ANO4: variants seen among roughly 807,000 people sequenced by gnomAD.
The protein encoded by ANO4 is anoctamin-4.
Under a neutral mutation model 141.9 loss-of-function variants are expected in ANO4, and 69 were observed. The ratio of observed to expected loss-of-function variants is 0.49; its 90% CI spans 0.40 to 0.59. The LOEUF is 0.59. ANO4 is among the 20% of genes least tolerant of loss of function. The probability of loss-of-function intolerance (pLI) is 0.00; values close to 1 mark genes in which losing one functional copy is unlikely to be tolerated. For synonymous variants in ANO4, 350 were observed against 394.3 expected (o/e 0.89, Z 1.33); for missense variants, 894 against 1,162.2 (o/e 0.77, Z 3.36).
chr12:101,043,862 A>C (rs1311973052), intron 13 of ANO4, among the ~76,000 whole-genome samples: 1 of 152,224 alleles, frequency 6.6e-6, no homozygotes, highest in Non-Finnish European at 1.5e-5. Context: ...AGCATGGCAC[A>C]GTGTGAGGAG....
chr12:101,039,147 T>A (rs2047317474), intron 10 of ANO4: 1 of 152,202 alleles, frequency 6.6e-6, no homozygotes, highest in South Asian at 2.1e-4. Flanking sequence ...TAGAATTTTC[T>A]TGTCGATAAC....
intron 9 of ANO4, among the ~76,000 whole-genome samples, chr12:101,026,120 A>G (rs2046723754): frequency 6.6e-6 from 1 of 152,216 alleles, no homozygotes; most frequent in Non-Finnish European, 1.5e-5. Context: ...ATGATCACCT[A>G]TAAAGAAACT....
chr12:100,877,123 G>T (rs184913068), intron 1 of ANO4, among the ~76,000 whole-genome samples: 45 of 152,214 alleles, frequency 3.0e-4, no homozygotes, highest in Admixed American at 2.9e-3. Context: ...CTGAGGGTAG[G>T]GGACGGATAA....
At position 100,986,721 on chromosome 12, in the gene ANO4, AT is replaced by A. The variant is rs200871311; in HGVS notation, c.603-814del. 1.2e-3 allele frequency among the ~76,000 whole-genome samples: 189 copies of A among 152,292 alleles called. 4 individuals are homozygous for A. The East Asian group carries it at 0.033, about 26-fold the overall frequency. On this transcript the variant is annotated intron_variant, in intron 7 of 27. Transcript: ENST00000392977. ...TATAGACACTTGAGGTAGTGCTATC[AT>A]TTTAAAGTTTGGTGTGGTTTTTGCG...
chr12:100,990,049 A>T (rs1426560436), intron 8 of ANO4, among the ~76,000 whole-genome samples: 9 of 152,126 alleles, frequency 5.9e-5, no homozygotes, highest in Admixed American at 5.9e-4. Flanking sequence ...AGATACATGG[A>T]TGGGTATAGG....
intron 5 of ANO4, among the ~76,000 whole-genome samples, chr12:100,948,556 G>T (rs1011387937): frequency 2.0e-5 from 3 of 152,036 alleles, no homozygotes; most frequent in East Asian, 1.9e-4. Context: ...AGTGATATTT[G>T]TTTTCCCTTT....
intron 11 of ANO4, among the ~76,000 whole-genome samples, chr12:101,041,665 A>G (rs2047415657): frequency 6.6e-6 from 1 of 152,196 alleles, no homozygotes; most frequent in Non-Finnish European, 1.5e-5. Flanking sequence ...TCAGCAACAC[A>G]GGCCCTGCAT....
At chr12:100,815,771 T>TGTG (rs543521687) in intron 1 of ANO4, among the ~76,000 whole-genome samples, 4 of 148,796 alleles carry the variant, frequency 2.7e-5, no homozygotes, top group African/African-American at 1.0e-4. Flanking sequence ...GTGTGTGTGT[T>TGTG]TGTGTGTGTG....
chr12:100,978,887 T>A (rs1256369973), intron 7 of ANO4, among the ~76,000 whole-genome samples: 1 of 152,142 alleles, frequency 6.6e-6, no homozygotes, highest in African/African-American at 2.4e-5. Flanking sequence ...GTAGATTTCT[T>A]AGGTGTTGGT....
rs147780415 is a variant in ANO4, at chr12:101,091,199, A to C, written c.1702-3057A>C. On this transcript the variant is annotated intron_variant, in intron 17 of 27. Coordinates refer to ENST00000392977, the MANE Select transcript of ANO4 (RefSeq NM_001286615.2). ...GCCAACATCAAACTAGAATAACATA[A>C]GGTTGCTAACGCAAGAATACTGATG... is the stretch of plus-strand genomic sequence containing the variant. Among the ~76,000 whole-genome samples, 962 of 152,330 alleles carry C rather than the reference A, an allele frequency of 6.3e-3. 8 individuals carry two copies. The highest frequency in any genetic ancestry group is 0.022 in the African/African-American group (916 of 41,580).
chr12:100,963,238 A>T (rs2043500752), intron 5 of ANO4, among the ~76,000 whole-genome samples: 1 of 152,138 alleles, frequency 6.6e-6, no homozygotes, highest in Admixed American at 6.5e-5. Context: ...ATCAGCTAAT[A>T]GGTGACATCT....
At chr12:100,816,128 G>A (rs1163083317) in intron 1 of ANO4, among the ~76,000 whole-genome samples, 1 of 151,946 alleles carries the variant, frequency 6.6e-6, no homozygotes, top group African/African-American at 2.4e-5. Flanking sequence ...TGAATGCATG[G>A]CATAGTATTA....
chr12:100,761,544 G>C (rs554323751), intron 3 of ANO4, among the ~76,000 whole-genome samples: 2 of 152,318 alleles, frequency 1.3e-5, no homozygotes. Context: ...CATGTGTGAA[G>C]TGTCTTCCAG....
chr12:101,024,919 A>G (rs932202080), intron 9 of ANO4, among the ~76,000 whole-genome samples: 1 of 152,234 alleles, frequency 6.6e-6, no homozygotes. Context: ...TCCTCCATCA[A>G]TGAAAAGTGA....
chr12:101,054,501 C>CT (rs1245504770), intron 14 of ANO4, among the ~76,000 whole-genome samples: 3 of 152,068 alleles, frequency 2.0e-5, no homozygotes, highest in South Asian at 2.1e-4. Context: ...TATAAGAGAA[C>CT]TTTTTTTCTT....
chr12:101,028,290 A>G (rs942984674), intron 9 of ANO4, among the ~76,000 whole-genome samples: 4 of 152,188 alleles, frequency 2.6e-5, no homozygotes, highest in South Asian at 2.1e-4. Context: ...AATGATTGCA[A>G]TGACTCTCTG....
chr12:100,870,460 T>C (rs2038975697), intron 1 of ANO4, among the ~76,000 whole-genome samples: 1 of 152,098 alleles, frequency 6.6e-6, no homozygotes, highest in Non-Finnish European at 1.5e-5. Flanking sequence ...TTTTCATTAT[T>C]TTTTTTTACA....
intron 1 of ANO4, among the ~76,000 whole-genome samples, chr12:100,856,679 C>T (rs960084207): frequency 2.0e-5 from 3 of 152,020 alleles, no homozygotes; most frequent in Non-Finnish European, 4.4e-5. Flanking sequence ...GCCAGGTATA[C>T]CTCACCCATG....
intron 14 of ANO4, among the ~76,000 whole-genome samples, chr12:101,070,384 T>A (rs572914435): frequency 6.6e-6 from 1 of 152,172 alleles, no homozygotes; most frequent in Non-Finnish European, 1.5e-5. Flanking sequence ...AGTGAACTCA[T>A]TTTTGACAAA....
Sources: allele counts gnomAD v4.1 joint callset (sites outside exome capture counted in the v4.1 genomes callset), GRCh38; gene constraint gnomAD v4.1.1; transcripts MANE v1.5; gene names NCBI Gene and HGNC (gene_info 2026-07-23, HGNC 2026-07-21).